The following KIAA0319 variants were observed in gnomAD, a reference collection of about 807,000 sequenced individuals.
KIAA0319 encodes the protein KIAA0319.
Under a neutral mutation model 108.4 loss-of-function variants are expected in KIAA0319, and 83 were observed. The ratio of observed to expected loss-of-function variants is 0.77; its 90% CI spans 0.64 to 0.92. The LOEUF is 0.92. KIAA0319 is among the 40% of genes least tolerant of loss of function. The probability of loss-of-function intolerance (pLI) is 0.00; values close to 1 mark genes in which losing one functional copy is unlikely to be tolerated. For synonymous variants in KIAA0319, 484 were observed against 510.4 expected (o/e 0.95, Z 0.70); for missense variants, 1,195 against 1,322.4 (o/e 0.90, Z 1.49).
At chr6:24,561,511 T>G (rs1763088230) in intron 16 of KIAA0319, among the ~76,000 whole-genome samples, 1 of 152,200 alleles carries the variant, frequency 6.6e-6, no homozygotes, top group African/African-American at 2.4e-5. Context: ...TCTAATGTGT[T>G]GACATACAAT....
chr6:24,570,928 C>T (rs1424651884), intron 11 of KIAA0319, among the ~76,000 whole-genome samples: 1 of 152,130 alleles, frequency 6.6e-6, no homozygotes, highest in African/African-American at 2.4e-5. Flanking sequence ...TGGTAGTTCA[C>T]GCCTGTAATC....
intron 17 of KIAA0319, among the ~76,000 whole-genome samples, chr6:24,557,251 C>T (rs1018246218): frequency 1.2e-4 from 19 of 152,062 alleles, no homozygotes; most frequent in Admixed American, 3.9e-4. Context: ...CCTGTAATCC[C>T]GGCACTTTGG....
intron 6 of KIAA0319, among the ~76,000 whole-genome samples, chr6:24,581,636 G>A (rs1277083112): frequency 6.6e-6 from 1 of 152,164 alleles, no homozygotes; most frequent in Middle Eastern, 3.2e-3. Flanking sequence ...GAGATAAGTA[G>A]AATGTCCTTA....
chr6:24,604,375 A>G (rs1771104584), intron 1 of KIAA0319, among the ~76,000 whole-genome samples: 1 of 152,202 alleles, frequency 6.6e-6, no homozygotes, highest in Admixed American at 6.5e-5. Context: ...GCTGGGGCCC[A>G]GAATAGCAAC....
rs375829290 is a variant in KIAA0319, at chr6:24,579,995, C to T, written c.1280-45G>A. On this transcript the variant is annotated intron_variant, in intron 7 of 20. Coordinates refer to ENST00000378214, the MANE Select transcript of KIAA0319 (RefSeq NM_014809.4). ...AGTGACTGAGCCCATCTTGTGTAGG[C>T]ATATGTCATTACCCACATAAAATCA... 89 of 1,375,754 alleles carry T rather than the reference C, an allele frequency of 6.5e-5. No homozygotes were observed. In the African/African-American group the frequency reaches 1.1e-3, roughly 17 times the overall value. The allele number at this position is 1,375,754 out of a possible 1,614,324, so 85.2% of individuals were successfully genotyped here.
intron 11 of KIAA0319, among the ~76,000 whole-genome samples, chr6:24,570,389 C>A (rs1213147560): frequency 2.2e-4 from 34 of 152,178 alleles, no homozygotes; most frequent in Non-Finnish European, 7.4e-5. Context: ...GAGATCAAGA[C>A]CATCCTGGCT....
At chr6:24,617,991 G>A (rs1773403935) in intron 1 of KIAA0319, among the ~76,000 whole-genome samples, 1 of 151,608 alleles carries the variant, frequency 6.6e-6, no homozygotes, top group Non-Finnish European at 1.5e-5. Context: ...TGTCTCAAAG[G>A]AAAATGAAAA....
rs1424678790 is a variant in KIAA0319 at position 24,547,081 on chromosome 6, CT to C, written c.*83del. On this transcript the variant is annotated 3_prime_UTR_variant, in exon 21 of 21. Coordinates refer to ENST00000378214, the MANE Select transcript of KIAA0319 (RefSeq NM_014809.4). ...TGGGGAAGAAGGTCAATGAACTATT[CT>C]AAAAGAGTGGGTTTTGTGCTGTAAC... 1.4e-5 allele frequency: 20 copies of C among 1,408,820 alleles called. No homozygotes were observed. The East Asian group carries it at 4.3e-4, about 30-fold the overall frequency. 87.3% of individuals were successfully genotyped at this position (1,408,820 alleles called of 1,614,324 possible).
At chr6:24,561,771 T>C (rs1329839362) in intron 16 of KIAA0319, among the ~76,000 whole-genome samples, 1 of 152,006 alleles carries the variant, frequency 6.6e-6, no homozygotes, top group Non-Finnish European at 1.5e-5. Flanking sequence ...AGTGGCGCGA[T>C]AGCTCACTGC....
At chr6:24,626,762 AT>A (rs1363834230) in intron 1 of KIAA0319, among the ~76,000 whole-genome samples, 1 of 152,164 alleles carries the variant, frequency 6.6e-6, no homozygotes, top group Non-Finnish European at 1.5e-5. Context: ...GGGAGTTTCC[AT>A]TCCAGTGGAA....
chr6:24,547,033 G>A lies in KIAA0319; in HGVS notation c.*132C>T, dbSNP rs528543316. On this transcript the variant is annotated 3_prime_UTR_variant, in exon 21 of 21. Coordinates refer to ENST00000378214, the MANE Select transcript of KIAA0319 (RefSeq NM_014809.4). ...CCTTCAAAAACCGGTCTTTTAGTAC[G>A]TGGGGATACACATCTAACCCACTGG... The A allele has an allele frequency of 2.6e-5, 23 of 900,836 alleles. No individual in the cohort carries two copies. In the South Asian group the frequency reaches 3.7e-4, roughly 15 times the overall value. 55.8% of individuals were successfully genotyped at this position (900,836 alleles called of 1,614,324 possible). A position where few individuals can be genotyped will look rare whatever the true frequency, so the allele number is the denominator to read the frequency against.
chr6:24,630,710 T>TATATATATATATATATATATACAC (rs373537245), intron 1 of KIAA0319, among the ~76,000 whole-genome samples: 1 of 138,690 alleles, frequency 7.2e-6, no homozygotes, highest in African/African-American at 3.0e-5. Flanking sequence ...TATACACATA[T>TATATATATATATATATATATACAC]ACACACAAAC....
intron 1 of KIAA0319, among the ~76,000 whole-genome samples, chr6:24,631,330 T>C (rs6456622): frequency 0.7 from 107,239 of 152,114 alleles, 38,383 homozygotes; most frequent in East Asian, 0.87. Context: ...ACAGAAACAG[T>C]GCTAGAAAGG....
intron 8 of KIAA0319, among the ~76,000 whole-genome samples, chr6:24,578,930 T>C (rs1190819441): frequency 6.6e-6 from 1 of 152,218 alleles, no homozygotes; most frequent in African/African-American, 2.4e-5. Context: ...ATATTTCCAT[T>C]TAAAATATGC....
At chr6:24,637,156 A>G (rs979839148) in intron 1 of KIAA0319, among the ~76,000 whole-genome samples, 16 of 152,264 alleles carry the variant, frequency 1.1e-4, no homozygotes, top group African/African-American at 3.6e-4. Context: ...GCAGTGGTCC[A>G]GTCAAAGCAA....
intron 1 of KIAA0319, among the ~76,000 whole-genome samples, chr6:24,606,515 C>T (rs897238818): frequency 2.0e-5 from 3 of 152,190 alleles, no homozygotes; most frequent in African/African-American, 7.2e-5. Flanking sequence ...TCAACAAGTA[C>T]TGATGGATCA....
At chr6:24,564,100 G>A in intron 15 of KIAA0319, 102 bp downstream of exon 15, 1 of 1,448,726 alleles carries the variant, frequency 6.9e-7, no homozygotes, top group East Asian at 2.3e-5. Flanking sequence ...GCTGGAGCCA[G>A]CCACAGGAGG....
At chr6:24,579,017 G>C (rs1327763922) in intron 8 of KIAA0319, among the ~76,000 whole-genome samples, 1 of 152,194 alleles carries the variant, frequency 6.6e-6, no homozygotes, top group East Asian at 1.9e-4. Flanking sequence ...TGTGATCTCT[G>C]TAAATTTGCA....
At chr6:24,611,230 G>A (rs540552225) in intron 1 of KIAA0319, among the ~76,000 whole-genome samples, 4 of 151,006 alleles carry the variant, frequency 2.6e-5, no homozygotes, top group South Asian at 2.1e-4. Flanking sequence ...AGTGGCTCAC[G>A]CCTGTAATCC....
Sources: gnomAD v4.1 joint callset for allele counts (sites outside exome capture counted in the v4.1 genomes callset) on GRCh38, gnomAD v4.1.1 for gene constraint, MANE v1.5 for transcripts, NCBI Gene and HGNC (gene_info 2026-07-23, HGNC 2026-07-21) for gene names.